The following PTPN3 variants were observed in gnomAD, a reference collection of about 807,000 sequenced individuals.
PTPN3 encodes protein tyrosine phosphatase non-receptor type 3, also known as tyrosine-protein phosphatase non-receptor type 3.
Under a neutral mutation model 132.7 loss-of-function variants are expected in PTPN3, and 96 were observed. The ratio of observed to expected loss-of-function variants is 0.72; its 90% CI spans 0.61 to 0.86. PTPN3 has a LOEUF of 0.86. PTPN3 is among the 40% of genes least tolerant of loss of function. The probability of loss-of-function intolerance (pLI) is 0.00; values close to 1 mark genes in which losing one functional copy is unlikely to be tolerated. For synonymous variants in PTPN3, 398 were observed against 429.0 expected (o/e 0.93, Z 0.89); for missense variants, 1,125 against 1,159.6 (o/e 0.97, Z 0.43).
At chr9:109,484,013 T>C (rs1847088556) in intron 1 of PTPN3, among the ~76,000 whole-genome samples, 1 of 152,194 alleles carries the variant, frequency 6.6e-6, no homozygotes, top group African/African-American at 2.4e-5. Flanking sequence ...ACAGGCTGCG[T>C]TCTCCACTCC....
chr9:109,519,144 C>T, the PTPN3 span, among the ~76,000 whole-genome samples: 1 of 152,178 alleles, frequency 6.6e-6, no homozygotes, highest in South Asian at 2.1e-4. Context: ...ATCAGGGCAT[C>T]AGAAAATGTG....
At chr9:109,477,096 G>C (rs1271751261) in intron 1 of PTPN3, among the ~76,000 whole-genome samples, 2 of 152,094 alleles carry the variant, frequency 1.3e-5, no homozygotes, top group Admixed American at 6.5e-5. Flanking sequence ...GCTCAGGTGG[G>C]GGCATCACAC....
the PTPN3 span, among the ~76,000 whole-genome samples, chr9:109,505,603 G>A: frequency 2.0e-5 from 3 of 152,146 alleles, no homozygotes; most frequent in Non-Finnish European, 4.4e-5. Flanking sequence ...GTACACCAAA[G>A]TTTTATTAAC....
At chr9:109,422,661 A>G in intron 13 of PTPN3, 57 bp downstream of exon 13, 2 of 1,492,464 alleles carry the variant, frequency 1.3e-6, no homozygotes, top group African/African-American at 1.4e-5. Context: ...TTTATTTTTA[A>G]AAGAGATAAA....
At chr9:109,466,226 T>C (rs1226682412) in intron 1 of PTPN3, among the ~76,000 whole-genome samples, 1 of 152,084 alleles carries the variant, frequency 6.6e-6, no homozygotes, top group African/African-American at 2.4e-5. Flanking sequence ...AAATAGAAAA[T>C]GAAGCTAAAT....
chr9:109,439,517 G>A (rs1038017371), intron 7 of PTPN3, among the ~76,000 whole-genome samples: 3 of 152,322 alleles, frequency 2.0e-5, no homozygotes, highest in South Asian at 2.1e-4. Flanking sequence ...TGTTACAAGG[G>A]CAGAGTATGG....
chr9:109,406,800 T>C (rs967493294), intron 17 of PTPN3, among the ~76,000 whole-genome samples, 182 bp from the exon 18 acceptor site: 2 of 152,242 alleles, frequency 1.3e-5, no homozygotes, highest in East Asian at 3.8e-4. Flanking sequence ...TAGATGGTTG[T>C]AAGATATAAA....
At chr9:109,482,498 T>C (rs1035149255) in intron 1 of PTPN3, among the ~76,000 whole-genome samples, 6 of 152,268 alleles carry the variant, frequency 3.9e-5, no homozygotes, top group African/African-American at 1.4e-4. Context: ...TGTTATTTTC[T>C]ATGATGAGCA....
At chr9:109,513,319 G>C in the PTPN3 span, among the ~76,000 whole-genome samples, 1 of 152,050 alleles carries the variant, frequency 6.6e-6, no homozygotes, top group Admixed American at 6.6e-5. Context: ...CACATCCGGC[G>C]TGGAATGTTC....
chr9:109,469,023 T>G (rs1356498628), intron 1 of PTPN3, among the ~76,000 whole-genome samples: 2 of 152,250 alleles, frequency 1.3e-5, no homozygotes, highest in Non-Finnish European at 2.9e-5. Context: ...ATCTTTGAGC[T>G]GCTCTACAAA....
At chr9:109,486,318 T>C (rs1847204749) in intron 1 of PTPN3, among the ~76,000 whole-genome samples, 1 of 152,202 alleles carries the variant, frequency 6.6e-6, no homozygotes, top group African/African-American at 2.4e-5. Context: ...TGAGGTGATC[T>C]TCTGTGCTTT....
chr9:109,480,866 A>C (rs1201834228), intron 1 of PTPN3, among the ~76,000 whole-genome samples: 1 of 152,096 alleles, frequency 6.6e-6, no homozygotes, highest in African/African-American at 2.4e-5. Context: ...CTGGTACCCA[A>C]CAGGTGCTCA....
intron 5 of PTPN3, chr9:109,450,153 ATAT>A: frequency 1.0e-6 from 1 of 984,652 alleles, no homozygotes; most frequent in Non-Finnish European, 1.2e-6. Context: ...CGTAACTCTA[ATAT>A]TATTACTTTG....
intron 12 of PTPN3, among the ~76,000 whole-genome samples, chr9:109,425,461 A>C (rs1176940827): frequency 6.6e-6 from 1 of 152,184 alleles, no homozygotes; most frequent in East Asian, 1.9e-4. Context: ...CTGTAACCCC[A>C]ACACTTTGGG....
rs140215758 is a variant in PTPN3 at position 109,426,813 on chromosome 9, A to C, written c.1001+137T>G. 2,299 of 945,802 alleles carry C rather than the reference A, an allele frequency of 2.4e-3. 8 individuals are homozygous for C. Among genetic ancestry groups the C allele is most frequent in the Middle Eastern group, 7.9e-3 (36 of 4,536 alleles). 58.6% of individuals were successfully genotyped at this position (945,802 alleles called of 1,614,324 possible). On this transcript the variant is annotated intron_variant, in intron 12 of 25. Coordinates refer to ENST00000374541, the MANE Select transcript of PTPN3 (RefSeq NM_002829.4). ...TGCTGACCCCGGGAGACTTTTAGTT[A>C]TGGTTCAGAGATCCAATGCCTGGAG...
At chr9:109,391,388 C>A (rs947964439) in intron 20 of PTPN3, 83 bp downstream of exon 20, 31 of 1,444,048 alleles carry the variant, frequency 2.1e-5, no homozygotes, top group Non-Finnish European at 3.0e-5. Context: ...GAAAATCGTT[C>A]CAGAATACCA....
chr9:109,381,761 A>G lies in PTPN3; in HGVS notation c.2555T>C (p.Leu852Ser), dbSNP rs767866017. Residue 852 changes from leucine (L) to serine (S), a missense_variant, in exon 25 of 26, where the codon TTG becomes TCG. Physicochemically the swap from Leu to Ser is moderately radical, Grantham distance 145. Coordinates refer to ENST00000374541, the MANE Select transcript of PTPN3 (RefSeq NM_002829.4). ...CSAGIGRTGV[L>S]VTMETAMCLT... ...GCACATGGCTGTTTCCATAGTGACC[A>G]ACACACCGGTTCGACCTATTCCAGC... is the stretch of plus-strand genomic sequence containing the variant. 3 of 1,614,250 alleles carry G rather than the reference A, an allele frequency of 1.9e-6. No individual in the cohort carries two copies. Among genetic ancestry groups the G allele is most frequent in the Non-Finnish European group, 2.5e-6 (3 of 1,180,036 alleles).
At chr9:109,456,728 G>A (rs974224384) in intron 4 of PTPN3, among the ~76,000 whole-genome samples, 1 of 152,204 alleles carries the variant, frequency 6.6e-6, no homozygotes, top group African/African-American at 2.4e-5. Context: ...CGGTAGTTTG[G>A]AAGACTTAAT....
chr9:109,514,757 C>A, the PTPN3 span, among the ~76,000 whole-genome samples: 16 of 152,106 alleles, frequency 1.1e-4, no homozygotes, highest in Non-Finnish European at 4.4e-5. Flanking sequence ...TGGACTTCCC[C>A]CTGCTTGACT....
Sources: allele counts gnomAD v4.1 joint callset (sites outside exome capture counted in the v4.1 genomes callset), GRCh38; gene constraint gnomAD v4.1.1; transcripts MANE v1.5; gene names NCBI Gene and HGNC (gene_info 2026-07-23, HGNC 2026-07-21).